The following USH2A variants were observed in gnomAD, a reference collection of about 807,000 sequenced individuals.
USH2A encodes usherin.
USH2A carries 443 observed loss-of-function variants against 538.9 expected under a neutral mutation model. That is an observed-to-expected ratio of 0.82 (90% CI 0.76 to 0.89). The LOEUF (loss-of-function observed/expected upper bound fraction) is 0.89. USH2A is among the 40% of genes least tolerant of loss of function. The pLI is 0.00. For missense variants in USH2A, 6,633 were observed against 6,324.8 expected (o/e 1.05, Z -1.65); for synonymous variants, 2,413 against 2,273.5 (o/e 1.06, Z -1.75).
chr1:216,360,780 C>T (rs909253352), intron 4 of USH2A, among the ~76,000 whole-genome samples: 13 of 151,998 alleles, frequency 8.6e-5, no homozygotes, highest in Admixed American at 3.9e-4. Flanking sequence ...GACCTCTATA[C>T]AGACAACTAA....
intron 38 of USH2A, among the ~76,000 whole-genome samples, chr1:215,909,836 AT>A (rs1471386083): frequency 3.9e-5 from 6 of 151,960 alleles, no homozygotes; most frequent in Non-Finnish European, 7.4e-5. Context: ...GGATTTGGTG[AT>A]GGAACAGATG....
Position 215,666,852 on chromosome 1 carries a change from G to T in USH2A, c.14133+4120C>A, listed in dbSNP as rs185108229. 1.1e-4 allele frequency among the ~76,000 whole-genome samples: 16 copies of T among 152,302 alleles called. No homozygotes were observed. The East Asian group carries it at 2.5e-3, about 24-fold the overall frequency. On this transcript the variant is annotated intron_variant, in intron 64 of 71. Coordinates refer to ENST00000307340, the MANE Select transcript of USH2A (RefSeq NM_206933.4). Reference sequence around the variant, plus strand: ...CACGCCTGTAATCCCAGCACTTTGGGAGGCTGAGGCGGGTGGATCATGAGG... The same window carrying T: ...CACGCCTGTAATCCCAGCACTTTGGTAGGCTGAGGCGGGTGGATCATGAGG...
intron 4 of USH2A, among the ~76,000 whole-genome samples, chr1:216,358,154 A>G (rs542840124): frequency 3.3e-5 from 5 of 152,304 alleles, no homozygotes; most frequent in African/African-American, 9.6e-5. Flanking sequence ...CTAGAGAGTT[A>G]TGCTAGAGAT....
At chr1:215,665,887 C>T (rs576982462) in intron 64 of USH2A, among the ~76,000 whole-genome samples, 2 of 152,324 alleles carry the variant, frequency 1.3e-5, no homozygotes, top group South Asian at 4.1e-4. Context: ...AGATGCATCG[C>T]ATTTATGCAT....
intron 47 of USH2A, 67 bp downstream of exon 47, chr1:215,837,924 C>A: frequency 7.7e-7 from 1 of 1,292,226 alleles, no homozygotes. Context: ...GAGAGGATAC[C>A]TTTGATTTTT....
intron 20 of USH2A, 31 bp downstream of exon 20, chr1:216,190,192 A>G: frequency 1.9e-6 from 3 of 1,611,436 alleles, no homozygotes; most frequent in Non-Finnish European, 2.5e-6. Flanking sequence ...GATAGGCAAC[A>G]GATTTTTCAT....
At chr1:215,855,891 A>T (rs1235505457) in intron 44 of USH2A, among the ~76,000 whole-genome samples, 1 of 152,220 alleles carries the variant, frequency 6.6e-6, no homozygotes, top group African/African-American at 2.4e-5. Context: ...AAATATTTAC[A>T]GCCAACTGAT....
At chr1:215,780,844 C>CA (rs1334044454) in intron 54 of USH2A, among the ~76,000 whole-genome samples, 3 of 152,228 alleles carry the variant, frequency 2.0e-5, no homozygotes. Context: ...CAAAATGTTG[C>CA]ATTCTTGCAC....
At chr1:216,326,115 C>G (rs1175429041) in intron 5 of USH2A, among the ~76,000 whole-genome samples, 4 of 152,216 alleles carry the variant, frequency 2.6e-5, no homozygotes, top group African/African-American at 9.6e-5. Context: ...TTTCCTGTGA[C>G]TCATCAGTAC....
At position 215,640,556 on chromosome 1, in the gene USH2A, AC is replaced by A; in HGVS notation, c.14968+1del. 2 of 1,612,932 alleles carry A rather than the reference AC, an allele frequency of 1.2e-6. No individual in the cohort carries two copies. Among genetic ancestry groups the A allele is most frequent in the Non-Finnish European group, 1.7e-6 (2 of 1,179,750 alleles). The stretch of plus-strand genomic sequence containing the variant: ...ACTGAGAAACAGGAGTCAGAAACTA[AC>A]TTTTGTCCGCCGTTCTCGGTATGTA... On this transcript the variant is annotated splice_donor_variant, in intron 68 of 71. Coordinates refer to ENST00000307340, the MANE Select transcript of USH2A (RefSeq NM_206933.4). LOFTEE classifies it high-confidence loss of function.
At chr1:215,848,285 T>G (rs2102825343) in intron 44 of USH2A, among the ~76,000 whole-genome samples, 1 of 152,346 alleles carries the variant, frequency 6.6e-6, no homozygotes, top group Middle Eastern at 3.4e-3. Flanking sequence ...TGTTGAATTT[T>G]AGTTTGTTAA....
At chr1:216,094,909 C>T (rs1210923304) in intron 22 of USH2A, among the ~76,000 whole-genome samples, 1 of 151,854 alleles carries the variant, frequency 6.6e-6, no homozygotes, top group Non-Finnish European at 1.5e-5. Flanking sequence ...GAGTATCTAC[C>T]TCACAGAGTT....
intron 44 of USH2A, among the ~76,000 whole-genome samples, chr1:215,866,108 A>G (rs1306977583): frequency 6.6e-6 from 1 of 152,100 alleles, no homozygotes; most frequent in African/African-American, 2.4e-5. Flanking sequence ...CTGATCAGGT[A>G]TTTCTCAATA....
At chr1:216,001,770 G>A (rs550879396) in intron 32 of USH2A, among the ~76,000 whole-genome samples, 24 of 151,988 alleles carry the variant, frequency 1.6e-4, no homozygotes, top group African/African-American at 5.1e-4. Flanking sequence ...AGTAAACTGG[G>A]GAAAGAACAC....
At chr1:215,688,575 T>A (rs1355103097) in intron 61 of USH2A, among the ~76,000 whole-genome samples, 3 of 152,132 alleles carry the variant, frequency 2.0e-5, no homozygotes, top group Non-Finnish European at 4.4e-5. Context: ...ATTCTTGAGG[T>A]TAGAAGTCTA....
intron 32 of USH2A, among the ~76,000 whole-genome samples, chr1:216,008,754 CA>C (rs1437203210): frequency 6.6e-6 from 1 of 152,160 alleles, no homozygotes; most frequent in Non-Finnish European, 1.5e-5. Flanking sequence ...ATCCCTCAAC[CA>C]CTTTCTCCTT....
At chr1:215,774,586 T>A (rs1000903923) in intron 55 of USH2A, among the ~76,000 whole-genome samples, 1 of 152,122 alleles carries the variant, frequency 6.6e-6, no homozygotes, top group Non-Finnish European at 1.5e-5. Flanking sequence ...AGTGTTATGC[T>A]AGACTGAGGA....
chr1:215,830,242 C>A (rs1663273957), intron 47 of USH2A, among the ~76,000 whole-genome samples: 1 of 152,068 alleles, frequency 6.6e-6, no homozygotes, highest in Non-Finnish European at 1.5e-5. Context: ...CCTTGCAAGC[C>A]AGAGAGTATA....
At chr1:216,328,056 T>C (rs1338440486) in intron 4 of USH2A, among the ~76,000 whole-genome samples, 1 of 152,146 alleles carries the variant, frequency 6.6e-6, no homozygotes, top group Non-Finnish European at 1.5e-5. Context: ...AAAAGGAAGA[T>C]TCCTCACTCT....
Sources: allele counts gnomAD v4.1 joint callset (sites outside exome capture counted in the v4.1 genomes callset), GRCh38; gene constraint gnomAD v4.1.1; transcripts MANE v1.5; gene names NCBI Gene and HGNC (gene_info 2026-07-23, HGNC 2026-07-21).